RC3H1: variants seen among roughly 807,000 people sequenced by gnomAD.
RC3H1 encodes the protein roquin-1.
Under a neutral mutation model 138.2 loss-of-function variants are expected in RC3H1, and 50 were observed. The ratio of observed to expected loss-of-function variants is 0.36; its 90% CI spans 0.29 to 0.46. The LOEUF (loss-of-function observed/expected upper bound fraction) is 0.46. Ranked by LOEUF, RC3H1 falls within the 20% of genes least tolerant of loss-of-function variation. The pLI, the probability that RC3H1 is intolerant of heterozygous loss-of-function variation, is 1.00. For synonymous variants in RC3H1, 462 were observed against 489.1 expected (o/e 0.94, Z 0.73); for missense variants, 1,031 against 1,388.1 (o/e 0.74, Z 4.09).
chr1:173,990,127 GAGTGC>G (rs1361666425), intron 2 of RC3H1, among the ~76,000 whole-genome samples: 1 of 150,996 alleles, frequency 6.6e-6, no homozygotes, highest in African/African-American at 2.4e-5. Context: ...ACCCAGGTTG[GAGTGC>G]AGTGGTGTGA....
intron 2 of RC3H1, among the ~76,000 whole-genome samples, chr1:173,990,958 G>A (rs565900207): frequency 3.9e-5 from 6 of 152,274 alleles, no homozygotes; most frequent in Admixed American, 2.0e-4. Flanking sequence ...AGCTGGGTAC[G>A]GTGGCTCATG....
chr1:173,943,367 T>A (rs1381056945), intron 18 of RC3H1, 75 bp downstream of exon 18: 32 of 1,440,116 alleles, frequency 2.2e-5, no homozygotes, highest in Non-Finnish European at 2.8e-5. Context: ...GATGATTCTG[T>A]GCCTCTAGAT....
intron 13 of RC3H1, among the ~76,000 whole-genome samples, chr1:173,959,637 G>A (rs1659782928): frequency 6.6e-6 from 1 of 152,058 alleles, no homozygotes; most frequent in South Asian, 2.1e-4. Flanking sequence ...CGGGCATGGT[G>A]GCTCATGCCT....
At chr1:173,945,680 C>T (rs932735340) in intron 17 of RC3H1, among the ~76,000 whole-genome samples, 5 of 151,480 alleles carry the variant, frequency 3.3e-5, no homozygotes, top group African/African-American at 9.7e-5. Context: ...CTTATTACAC[C>T]GGAACTATGT....
chr1:173,944,699 T>C (rs566978979), intron 17 of RC3H1, among the ~76,000 whole-genome samples: 2 of 152,372 alleles, frequency 1.3e-5, no homozygotes, highest in East Asian at 3.9e-4. Context: ...GCATTCTGTT[T>C]CTATGACAGG....
At chr1:173,951,588 T>C (rs1363995729) in intron 14 of RC3H1, among the ~76,000 whole-genome samples, 1 of 152,108 alleles carries the variant, frequency 6.6e-6, no homozygotes, top group Non-Finnish European at 1.5e-5. Flanking sequence ...TCACCCAGGC[T>C]GGAGTGCAGT....
At chr1:173,950,160 T>TC (rs2102879848) in intron 14 of RC3H1, among the ~76,000 whole-genome samples, 1 of 151,498 alleles carries the variant, frequency 6.6e-6, no homozygotes, top group South Asian at 2.1e-4. Flanking sequence ...AGAGTGGAAC[T>TC]CCGTCTCAAA....
chr1:174,007,141 G>A (rs888707067), intron 1 of RC3H1, among the ~76,000 whole-genome samples: 3 of 152,126 alleles, frequency 2.0e-5, no homozygotes, highest in Non-Finnish European at 2.9e-5. Context: ...TGTAATCCCA[G>A]CACTTTGGGA....
intron 19 of RC3H1, among the ~76,000 whole-genome samples, chr1:173,939,466 G>A (rs557975871): frequency 1.4e-5 from 2 of 146,332 alleles, no homozygotes; most frequent in South Asian, 2.1e-4. Flanking sequence ...GAGAGGCAGA[G>A]GTTTCACTGA....
rs1191597516 is a variant in RC3H1 at position 173,937,894 on chromosome 1, T to C, written c.*827A>G. On this transcript the variant is annotated 3_prime_UTR_variant, in exon 20 of 20. Coordinates refer to ENST00000367696, the MANE Select transcript of RC3H1 (RefSeq NM_172071.4). ...AACACCAAACATGTATTTTCAGTGC[T>C]AGTAAGTTACAGTTAATTCTTGATC... 6.6e-6 allele frequency: 1 copy of C among 152,228 alleles called. No individual in the cohort carries two copies. Among genetic ancestry groups the C allele is most frequent in the Non-Finnish European group, 1.5e-5 (1 of 68,028 alleles). The allele number at this position is 152,228 out of a possible 1,614,324, so 9.4% of individuals were successfully genotyped here.
intron 3 of RC3H1, among the ~76,000 whole-genome samples, chr1:173,984,013 G>C (rs1376942379): frequency 6.6e-6 from 1 of 152,114 alleles, no homozygotes; most frequent in Non-Finnish European, 1.5e-5. Context: ...TTTGACAGTG[G>C]TTAACCTTAT....
chr1:173,938,918 T>C (rs1247217506), intron 19 of RC3H1, 47 bp from the exon 20 acceptor site: 1 of 1,451,204 alleles, frequency 6.9e-7, no homozygotes, highest in Non-Finnish European at 9.4e-7. Flanking sequence ...GAAAAATGAT[T>C]ACTACAATAA....
chr1:174,019,588 T>C (rs1435043062), intron 1 of RC3H1, among the ~76,000 whole-genome samples: 1 of 152,216 alleles, frequency 6.6e-6, no homozygotes, highest in African/African-American at 2.4e-5. Flanking sequence ...GTGTACAAAT[T>C]ACCCTTTTTT....
chr1:173,958,168 C>T (rs529915504), intron 13 of RC3H1, among the ~76,000 whole-genome samples: 3 of 151,428 alleles, frequency 2.0e-5, no homozygotes, highest in African/African-American at 4.9e-5. Flanking sequence ...AGAAACCTTA[C>T]TTGATTATTA....
intron 1 of RC3H1, among the ~76,000 whole-genome samples, chr1:173,994,811 A>G (rs949438242): frequency 1.3e-4 from 20 of 151,918 alleles, no homozygotes; most frequent in Middle Eastern, 3.4e-3. Flanking sequence ...AAAAAAAAAA[A>G]AAAGAAAAAA....
intron 1 of RC3H1, among the ~76,000 whole-genome samples, chr1:174,014,463 G>C (rs1054082577): frequency 6.6e-6 from 1 of 152,108 alleles, no homozygotes; most frequent in Non-Finnish European, 1.5e-5. Flanking sequence ...GACTGATGTG[G>C]GAAGAAAATG....
At chr1:173,943,050 A>G (rs1462414398) in intron 18 of RC3H1, among the ~76,000 whole-genome samples, 1 of 152,184 alleles carries the variant, frequency 6.6e-6, no homozygotes, top group Non-Finnish European at 1.5e-5. Flanking sequence ...CATCATTATA[A>G]AGGCTATGAA....
chr1:173,941,152 T>C (rs1208359084), intron 19 of RC3H1, 113 bp downstream of exon 19: 1 of 711,160 alleles, frequency 1.4e-6, no homozygotes, highest in Non-Finnish European at 2.4e-6. Flanking sequence ...AGAATAATGA[T>C]ATTTTAAGAA....
At chr1:173,987,941 A>C (rs1190603161) in intron 2 of RC3H1, among the ~76,000 whole-genome samples, 1 of 152,188 alleles carries the variant, frequency 6.6e-6, no homozygotes, top group Admixed American at 6.5e-5. Flanking sequence ...TAACTGTTCA[A>C]TTCTAATATG....
Sources: gnomAD v4.1 joint callset for allele counts (sites outside exome capture counted in the v4.1 genomes callset) on GRCh38, gnomAD v4.1.1 for gene constraint, MANE v1.5 for transcripts, NCBI Gene and HGNC (gene_info 2026-07-23, HGNC 2026-07-21) for gene names.